The following FAT3 variants were observed in gnomAD, a reference collection of about 807,000 sequenced individuals.
The protein encoded by FAT3 is FAT atypical cadherin 3.
A neutral mutation model predicts 310.2 loss-of-function variants in FAT3; 95 were observed. The ratio of observed to expected loss-of-function variants is 0.31; its 90% CI spans 0.26 to 0.36. FAT3 has a LOEUF of 0.36. FAT3 is among the 10% of genes least tolerant of loss of function. FAT3 has a pLI of 1.00. For missense variants in FAT3, 5,408 were observed against 5,715.6 expected, an observed-to-expected ratio of 0.95 and a Z score of 1.74; for synonymous variants, 2,314 against 2,192.9, an observed-to-expected ratio of 1.06 and a Z score of -1.54.
chr11:92,535,585 T>C (rs185154030), intron 3 of FAT3, among the ~76,000 whole-genome samples: 62 of 152,264 alleles, frequency 4.1e-4, no homozygotes, highest in Non-Finnish European at 6.9e-4. Context: ...CTAGACAAAA[T>C]GGTAAGAACT....
At chr11:92,781,423 A>T (rs1213267586) in intron 7 of FAT3, among the ~76,000 whole-genome samples, 1 of 152,034 alleles carries the variant, frequency 6.6e-6, no homozygotes. Context: ...ATCAGGTGTT[A>T]TCATTACACT....
At chr11:92,487,812 G>T (rs1952464970) in intron 2 of FAT3, among the ~76,000 whole-genome samples, 1 of 152,114 alleles carries the variant, frequency 6.6e-6, no homozygotes, top group Non-Finnish European at 1.5e-5. Flanking sequence ...CAAATCCATA[G>T]TCTGGACTAG....
chr11:92,873,289 C>T (rs907035013), intron 22 of FAT3, among the ~76,000 whole-genome samples: 2 of 152,148 alleles, frequency 1.3e-5, no homozygotes, highest in Non-Finnish European at 2.9e-5. Context: ...AGTGCCTCAC[C>T]ACCACATCAC....
intron 3 of FAT3, among the ~76,000 whole-genome samples, chr11:92,543,635 G>A (rs1304115966): frequency 6.6e-6 from 1 of 152,162 alleles, no homozygotes; most frequent in Admixed American, 6.6e-5. Flanking sequence ...TATTTGTAAA[G>A]CTATGCAAAT....
intron 6 of FAT3, among the ~76,000 whole-genome samples, chr11:92,769,241 C>T (rs1413613370): frequency 6.6e-6 from 1 of 152,152 alleles, no homozygotes; most frequent in African/African-American, 2.4e-5. Flanking sequence ...CTACTTGTAA[C>T]TGAGTTAAGA....
At chr11:92,717,086 T>A (rs1944714204) in intron 4 of FAT3, among the ~76,000 whole-genome samples, 1 of 152,206 alleles carries the variant, frequency 6.6e-6, no homozygotes, top group Middle Eastern at 3.2e-3. Context: ...GTTTTATGTG[T>A]TGTGTAGAAA....
In FAT3 at chr11:92,844,355, G is replaced by T; in HGVS notation, c.10988G>T (p.Gly3663Val). Reference sequence around the variant, plus strand: ...AATGTGTCCCCTGAGGACTTCGTGGGGCTGCACATGCATGGGTTCCGGCGC... The same window carrying T: ...AATGTGTCCCCTGAGGACTTCGTGGTGCTGCACATGCATGGGTTCCGGCGC... ...FENVSPEDFV[G>V]LHMHGFRRTL... Residue 3663 changes from glycine (G) to valine (V), a missense_variant, in exon 19 of 28, where the codon GGG (glycine) becomes GTG (valine). Coordinates refer to ENST00000525166, the MANE Select transcript of FAT3 (RefSeq NM_001367949.2). The T allele has an allele frequency of 6.2e-7, 1 of 1,613,882 alleles. No homozygotes were observed. Among genetic ancestry groups the T allele is most frequent in the South Asian group, 1.1e-5 (1 of 91,082 alleles).
At chr11:92,578,409 C>A (rs2036857935) in intron 3 of FAT3, among the ~76,000 whole-genome samples, 1 of 152,048 alleles carries the variant, frequency 6.6e-6, no homozygotes, top group African/African-American at 2.4e-5. Context: ...CCCTGTGGGT[C>A]ATGTATTGTT....
intron 2 of FAT3, among the ~76,000 whole-genome samples, chr11:92,459,462 A>T (rs962082716): frequency 8.5e-5 from 13 of 152,156 alleles, no homozygotes; most frequent in Non-Finnish European, 1.5e-5. Context: ...TGAGCCTAAC[A>T]GTCCACTTCC....
chr11:92,269,591 G>T (rs1565191518), intron 1 of FAT3, among the ~76,000 whole-genome samples: 1 of 152,072 alleles, frequency 6.6e-6, no homozygotes, highest in African/African-American at 2.4e-5. Flanking sequence ...TGTATTAAGA[G>T]GATTTCTCAT....
intron 2 of FAT3, among the ~76,000 whole-genome samples, chr11:92,519,901 G>A (rs55902025): frequency 0.04 from 6,065 of 152,170 alleles, 172 homozygotes; most frequent in Non-Finnish European, 0.059. Context: ...GGAGCAACTG[G>A]AACCCTCCAC....
At position 92,835,048 on chromosome 11, in the gene FAT3, CA is replaced by C; in HGVS notation, c.10051del (p.Ser3351ValfsTer13). On this transcript the variant is annotated frameshift_variant, in exon 15 of 28. Transcript: ENST00000525166. LOFTEE classifies it high-confidence loss of function. Reference protein sequence around the residue: ...FSQDVYSAVISEDALVGDSVI... With the variant: ...FSQDVYSAVIXEDALVGDSVI... ...GCCAAGACGTCTACAGTGCGGTTAT[CA>C]GTGAAGACGCCTTGGTGGGAGACTC... 2 of 1,613,408 alleles carry C rather than the reference CA, an allele frequency of 1.2e-6. No homozygotes were observed. The highest frequency in any genetic ancestry group is 1.7e-6 in the Non-Finnish European group (2 of 1,179,714).
At chr11:92,619,399 C>A (rs1016122449) in intron 3 of FAT3, among the ~76,000 whole-genome samples, 6 of 152,082 alleles carry the variant, frequency 3.9e-5, no homozygotes, top group African/African-American at 1.2e-4. Context: ...GTTCTCTTCT[C>A]CCCTATATTT....
At chr11:92,480,836 G>A (rs192961953) in intron 2 of FAT3, among the ~76,000 whole-genome samples, 190 of 152,282 alleles carry the variant, frequency 1.2e-3, no homozygotes, top group African/African-American at 4.1e-3. Context: ...TGAATCAATC[G>A]TATGGAGTGA....
intron 1 of FAT3, among the ~76,000 whole-genome samples, chr11:92,342,454 A>G (rs1245935135): frequency 6.6e-6 from 1 of 152,192 alleles, no homozygotes; most frequent in Non-Finnish European, 1.5e-5. Flanking sequence ...CTCACTTTTA[A>G]AGAGGAATGG....
At chr11:92,862,585 G>A (rs1011653345) in intron 21 of FAT3, among the ~76,000 whole-genome samples, 1 of 152,170 alleles carries the variant, frequency 6.6e-6, no homozygotes, top group African/African-American at 2.4e-5. Flanking sequence ...ACTGAAAGGA[G>A]GATAGGGAAA....
At chr11:92,872,409 G>C (rs1181325140) in intron 22 of FAT3, among the ~76,000 whole-genome samples, 1 of 152,210 alleles carries the variant, frequency 6.6e-6, no homozygotes, top group Non-Finnish European at 1.5e-5. Context: ...GGCTTACTGA[G>C]CTTCGAGAAG....
intron 3 of FAT3, among the ~76,000 whole-genome samples, chr11:92,645,201 A>T (rs757071493): frequency 2.0e-5 from 3 of 152,240 alleles, no homozygotes; most frequent in Non-Finnish European, 4.4e-5. Flanking sequence ...GGGGATAATG[A>T]TAGTAATTAC....
rs1184102218 is a variant in FAT3 at position 92,791,784 on chromosome 11, T to C, written c.4612-983T>C. Among the ~76,000 whole-genome samples, 12 of 152,314 alleles carry C rather than the reference T, an allele frequency of 7.9e-5. No homozygotes were observed. The East Asian group carries it at 2.1e-3, about 27-fold the overall frequency. Reference sequence around the variant, plus strand: ...CATATTTGATTAGTGCTACATCAAATGATAGCAAAACCTTGTGGTTAAAGA... The same window carrying C: ...CATATTTGATTAGTGCTACATCAAACGATAGCAAAACCTTGTGGTTAAAGA... On this transcript the variant is annotated intron_variant, in intron 8 of 27. Coordinates refer to ENST00000525166, the MANE Select transcript of FAT3 (RefSeq NM_001367949.2).
Sources: gnomAD v4.1 joint callset for allele counts (sites outside exome capture counted in the v4.1 genomes callset) on GRCh38, gnomAD v4.1.1 for gene constraint, MANE v1.5 for transcripts, NCBI Gene and HGNC (gene_info 2026-07-23, HGNC 2026-07-21) for gene names.